Variants in KRABD5 observed in about 807,000 individuals in gnomAD.
KRABD5 encodes the protein KRAB domain-containing protein 5.
At chr16:31,717,068 C>G in the KRABD5 span, among the ~76,000 whole-genome samples, 1 of 139,156 alleles carries the variant, frequency 7.2e-6, no homozygotes, top group Non-Finnish European at 1.5e-5. Flanking sequence ...GCGTTCTTGG[C>G]TCACTGCAAC....
chr16:31,717,038 C>A, the KRABD5 span, among the ~76,000 whole-genome samples: 3 of 135,612 alleles, frequency 2.2e-5, no homozygotes, highest in Non-Finnish European at 4.6e-5. Context: ...GCTGTGTTGC[C>A]CAGGCTGGAG....
At chr16:31,718,317 T>A in the KRABD5 span, among the ~76,000 whole-genome samples, 3 of 152,204 alleles carry the variant, frequency 2.0e-5, no homozygotes, top group African/African-American at 7.2e-5. Flanking sequence ...ACATAAAGGC[T>A]GGTCTCCACC....
At chr16:31,739,386 C>A in the KRABD5 span, among the ~76,000 whole-genome samples, 1 of 152,070 alleles carries the variant, frequency 6.6e-6, no homozygotes, top group African/African-American at 2.4e-5. Context: ...AACTTTCTGA[C>A]CTGTGAGATT....
At chr16:31,744,687 C>G in the KRABD5 span, among the ~76,000 whole-genome samples, 3 of 152,184 alleles carry the variant, frequency 2.0e-5, no homozygotes, top group Non-Finnish European at 4.4e-5. Context: ...GGAATAGTTT[C>G]AGAAGGAATG....
At chr16:31,728,378 G>T in the KRABD5 span, among the ~76,000 whole-genome samples, 23 of 152,122 alleles carry the variant, frequency 1.5e-4, no homozygotes, top group Non-Finnish European at 2.5e-4. Context: ...GAGGAATTGA[G>T]TTAGATTGCT....
At chr16:31,753,637 A>G in the KRABD5 span, 1 of 885,576 alleles carries the variant, frequency 1.1e-6, no homozygotes, top group Non-Finnish European at 1.6e-6. Flanking sequence ...TGAGAAAACA[A>G]AGGGGCCTCA....
the KRABD5 span, among the ~76,000 whole-genome samples, chr16:31,744,097 T>A: frequency 6.6e-6 from 1 of 152,222 alleles, no homozygotes; most frequent in Non-Finnish European, 1.5e-5. Context: ...CCTCTCTTCC[T>A]ATTTGAATAC....
chr16:31,738,835 A>G, the KRABD5 span, among the ~76,000 whole-genome samples: 1 of 152,022 alleles, frequency 6.6e-6, no homozygotes, highest in Non-Finnish European at 1.5e-5. Context: ...CTCTCTGTGT[A>G]TCTATTATAG....
chr16:31,713,407 C>T, the KRABD5 span: 2 of 1,603,900 alleles, frequency 1.2e-6, no homozygotes, highest in Non-Finnish European at 1.7e-6. Context: ...GTAGCTCAGA[C>T]GCCAGGACAT....
the KRABD5 span, chr16:31,753,721 CT>C: frequency 7.0e-7 from 1 of 1,421,194 alleles, no homozygotes; most frequent in South Asian, 1.7e-5. Context: ...GTATTTTCAC[CT>C]GAATTTAGTA....
the KRABD5 span, among the ~76,000 whole-genome samples, chr16:31,726,187 GC>G: frequency 6.6e-6 from 1 of 151,990 alleles, no homozygotes; most frequent in South Asian, 2.1e-4. Context: ...TCATCCTTTT[GC>G]TCATAAATAT....
chr16:31,736,497 A>C, the KRABD5 span, among the ~76,000 whole-genome samples: 1 of 145,654 alleles, frequency 6.9e-6, no homozygotes, highest in Non-Finnish European at 1.5e-5. Flanking sequence ...TTTGGGTAAC[A>C]TGCCCATTTT....
At chr16:31,756,128 A>AT in the KRABD5 span, 1 of 152,418 alleles carries the variant, frequency 6.6e-6, no homozygotes, top group African/African-American at 2.4e-5. Context: ...CATATAGTCT[A>AT]TTTTTTCTGC....
chr16:31,720,863 T>C, the KRABD5 span, among the ~76,000 whole-genome samples: 1 of 152,230 alleles, frequency 6.6e-6, no homozygotes, highest in African/African-American at 2.4e-5. Flanking sequence ...TGGGTTGCTT[T>C]GGAGAGTGAA....
At chr16:31,727,109 A>G in the KRABD5 span, among the ~76,000 whole-genome samples, 3 of 152,340 alleles carry the variant, frequency 2.0e-5, no homozygotes, top group South Asian at 2.1e-4. Context: ...TAGAAATGCA[A>G]CTAATTTTTG....
At chr16:31,734,299 G>A in the KRABD5 span, among the ~76,000 whole-genome samples, 1 of 151,012 alleles carries the variant, frequency 6.6e-6, no homozygotes, top group South Asian at 2.1e-4. Flanking sequence ...TACCCAGGCT[G>A]AAGTGCAGTG....
chr16:31,730,547 T>C, the KRABD5 span, among the ~76,000 whole-genome samples: 1 of 152,166 alleles, frequency 6.6e-6, no homozygotes, highest in Non-Finnish European at 1.5e-5. Flanking sequence ...CATTAGGTTC[T>C]TCTTGCCATG....
the KRABD5 span, among the ~76,000 whole-genome samples, chr16:31,752,031 C>A: frequency 6.6e-6 from 1 of 152,208 alleles, no homozygotes; most frequent in Admixed American, 6.5e-5. Context: ...TGTTGAGGAG[C>A]CAGTTGTTTA....
At chr16:31,716,206 A>G in the KRABD5 span, among the ~76,000 whole-genome samples, 1 of 152,120 alleles carries the variant, frequency 6.6e-6, no homozygotes, top group Admixed American at 6.5e-5. Flanking sequence ...CAGTCCCTCC[A>G]TCAACCTAGG....
Sources: allele counts gnomAD v4.1 joint callset (sites outside exome capture counted in the v4.1 genomes callset), GRCh38; gene constraint gnomAD v4.1.1; transcripts MANE v1.5; gene names NCBI Gene and HGNC (gene_info 2026-07-23, HGNC 2026-07-21).